SUB1: variants seen among roughly 807,000 people sequenced by gnomAD.
The protein encoded by SUB1 is activated RNA polymerase II transcriptional coactivator p15.
SUB1 carries 1 observed loss-of-function variant against 16.9 expected under a neutral mutation model. The observed-to-expected ratio is 0.06, with a 90% CI of 0.02 to 0.28. The LOEUF is 0.28. Among genes scored for constraint, SUB1 ranks in the 10% least tolerant of loss-of-function variants. SUB1 has a pLI of 1.00. For missense variants in SUB1, 84 were observed against 145.2 expected, an observed-to-expected ratio of 0.58 and a Z score of 2.16; for synonymous variants, 51 against 46.9, an observed-to-expected ratio of 1.09 and a Z score of -0.36.
At chr5:32,598,779 G>T in intron 3 of SUB1, 182 bp from the exon 4 acceptor site, 2 of 412,464 alleles carry the variant, frequency 4.8e-6, no homozygotes, top group Non-Finnish European at 8.5e-6. Context: ...TATATTTATT[G>T]AAAAAAATAT....
chr5:32,595,683 C>G (rs1335694088), intron 3 of SUB1: 1 of 152,170 alleles, frequency 6.6e-6, no homozygotes, highest in Non-Finnish European at 1.5e-5. Flanking sequence ...GATACATTTG[C>G]TGAGTCGTAG....
At chr5:32,587,163 A>T (rs1286780553) in intron 1 of SUB1, among the ~76,000 whole-genome samples, 3 of 152,246 alleles carry the variant, frequency 2.0e-5, no homozygotes, top group African/African-American at 7.2e-5. Flanking sequence ...ACTGCTCAAG[A>T]TCATCGCCAA....
intron 3 of SUB1, chr5:32,595,204 AT>A (rs1011519623): frequency 2.2e-4 from 33 of 151,496 alleles, no homozygotes; most frequent in Admixed American, 8.5e-4. Context: ...AAAAAAAAAA[AT>A]GTTTTTGAGG....
chr5:32,599,795 A>G (rs1739072006), intron 4 of SUB1, among the ~76,000 whole-genome samples: 1 of 151,828 alleles, frequency 6.6e-6, no homozygotes, highest in Non-Finnish European at 1.5e-5. Flanking sequence ...CACGTACCAG[A>G]GTGGCCGATG....
intron 1 of SUB1, among the ~76,000 whole-genome samples, chr5:32,587,822 T>A (rs1738711464): frequency 6.6e-6 from 1 of 152,166 alleles, no homozygotes; most frequent in African/African-American, 2.4e-5. Context: ...TTGGCCAGGC[T>A]GGTCTCGAAC....
At position 32,602,888 on chromosome 5, in the gene SUB1, T is replaced by TTTA. The variant is rs1476168424; in HGVS notation, c.*1804_*1805insTTA. The TTTA allele has an allele frequency of 6.6e-6, 1 of 152,164 alleles. No individual in the cohort carries two copies. 9.4% of individuals were successfully genotyped at this position (152,164 alleles called of 1,614,324 possible). ...TTTTTTGGGGAACATGTTTGTGTCC[T>TTTA]ATTAACTTAATTGGATAGATTTTTA... is the stretch of plus-strand genomic sequence containing the variant. On this transcript the variant is annotated 3_prime_UTR_variant, in exon 5 of 5. Transcript: ENST00000265073.
chr5:32,589,176 C>T (rs10074775), intron 2 of SUB1, among the ~76,000 whole-genome samples: 104,866 of 151,868 alleles, frequency 0.69, 40,715 homozygotes, highest in Non-Finnish European at 0.87. Context: ...GCAGCCTCGA[C>T]CTCCTGGTCT....
intron 3 of SUB1, chr5:32,594,677 C>G (rs1579514726): frequency 2.3e-6 from 1 of 439,574 alleles, no homozygotes; most frequent in South Asian, 1.6e-5. Context: ...TCAGCAGCGG[C>G]ATTAGATTCT....
intron 1 of SUB1, 138 bp downstream of exon 1, chr5:32,585,763 C>G (rs1257349450): frequency 6.6e-6 from 1 of 152,472 alleles, no homozygotes; most frequent in Non-Finnish European, 1.5e-5. Flanking sequence ...CTCCCCCTTC[C>G]CCTCGGCGTC....
rs972219959 is a variant in SUB1 at position 32,602,378 on chromosome 5, A to G, written c.*1294A>G. ...GATATTTTGAGATTTTTATAACAGC[A>G]GTGGAACACAATTCTAGGTAGAGTA... On this transcript the variant is annotated 3_prime_UTR_variant, in exon 5 of 5. Coordinates refer to ENST00000265073, the MANE Select transcript of SUB1 (RefSeq NM_006713.4). 1.9e-5 allele frequency: 6 copies of G among 317,002 alleles called. No individual in the cohort carries two copies. Among genetic ancestry groups the G allele is most frequent in the African/African-American group, 4.3e-5 (2 of 46,000 alleles). The allele number at this position is 317,002 out of a possible 1,614,324, so 19.6% of individuals were successfully genotyped here. A position where few individuals can be genotyped will look rare whatever the true frequency, so the allele number is the denominator to read the frequency against.
intron 3 of SUB1, among the ~76,000 whole-genome samples, chr5:32,592,496 C>T (rs1459009975): frequency 6.6e-6 from 1 of 151,994 alleles, no homozygotes; most frequent in East Asian, 1.9e-4. Context: ...CATCTTTGTA[C>T]AAGAAGGATT....
chr5:32,601,164 T>G lies in SUB1; in HGVS notation c.*80T>G, dbSNP rs371304539. 1.7e-4 allele frequency: 200 copies of G among 1,164,902 alleles called. 1 individual carries two copies. In the African/African-American group the frequency reaches 2.1e-3, roughly 12 times the overall value. The allele number at this position is 1,164,902 out of a possible 1,614,324, so 72.2% of individuals were successfully genotyped here. A position where few individuals can be genotyped will look rare whatever the true frequency, so the allele number is the denominator to read the frequency against. ...TTTACATTGGCTTTTGTTTTCTAAA[T>G]GTTCTCCAAGCTATTGTATGTTTGG... is the stretch of plus-strand genomic sequence containing the variant. On this transcript the variant is annotated 3_prime_UTR_variant, in exon 5 of 5. Transcript: ENST00000265073.
intron 2 of SUB1, among the ~76,000 whole-genome samples, chr5:32,589,057 T>C (rs1468556425): frequency 6.6e-6 from 1 of 151,096 alleles, no homozygotes; most frequent in Non-Finnish European, 1.5e-5. Flanking sequence ...TTTGCCGTTA[T>C]TTAGAAATTT....
intron 3 of SUB1, among the ~76,000 whole-genome samples, chr5:32,592,905 G>T (rs1256400481): frequency 6.6e-6 from 1 of 152,192 alleles, no homozygotes; most frequent in Non-Finnish European, 1.5e-5. Flanking sequence ...TAGGTTAAGA[G>T]AGAGGGTGAA....
chr5:32,592,025 G>C (rs1457422996), intron 3 of SUB1, among the ~76,000 whole-genome samples: 1 of 152,154 alleles, frequency 6.6e-6, no homozygotes, highest in Non-Finnish European at 1.5e-5. Context: ...TAGATTCAGA[G>C]GAATTATTAT....
At chr5:32,588,163 A>G in intron 1 of SUB1, among the ~76,000 whole-genome samples, 1 of 152,148 alleles carries the variant, frequency 6.6e-6, no homozygotes, top group Non-Finnish European at 1.5e-5. Context: ...TGGTTTTAAT[A>G]GTAATTGTTG....
intron 3 of SUB1, chr5:32,596,728 T>G (rs1702163780): frequency 6.6e-6 from 1 of 152,184 alleles, no homozygotes; most frequent in South Asian, 2.1e-4. Context: ...TGCGTGTGTA[T>G]TTTTTGACTC....
At chr5:32,589,747 G>T (rs1005999056) in intron 2 of SUB1, among the ~76,000 whole-genome samples, 1 of 152,144 alleles carries the variant, frequency 6.6e-6, no homozygotes, top group African/African-American at 2.4e-5. Context: ...TAAGTTGGTC[G>T]TGTTTTTCCT....
rs571469075 is a variant in SUB1, at chr5:32,585,869, G to A, written c.-2+244G>A. The A allele has an allele frequency of 2.0e-3, 308 of 152,794 alleles. 2 individuals are homozygous for A. Among genetic ancestry groups the A allele is most frequent in the Admixed American group, 5.0e-3 (77 of 15,304 alleles). 9.5% of individuals were successfully genotyped at this position (152,794 alleles called of 1,614,324 possible). A position where few individuals can be genotyped will look rare whatever the true frequency, so the allele number is the denominator to read the frequency against. On this transcript the variant is annotated intron_variant, in intron 1 of 4. Transcript: ENST00000265073. The stretch of plus-strand genomic sequence containing the variant: ...CCCGGGGAGCCGAGTCGAGGCGGCG[G>A]GCGCTGCGGCCCGGGGCGGTAGATT...
Sources: gnomAD v4.1 joint callset for allele counts (sites outside exome capture counted in the v4.1 genomes callset) on GRCh38, gnomAD v4.1.1 for gene constraint, MANE v1.5 for transcripts, NCBI Gene and HGNC (gene_info 2026-07-23, HGNC 2026-07-21) for gene names.